EMID1: variants seen among roughly 807,000 people sequenced by gnomAD.
EMID1 encodes EMI domain containing 1, also known as EMI domain-containing protein 1.
Under a neutral mutation model 60.6 loss-of-function variants are expected in EMID1, and 40 were observed. That is an observed-to-expected ratio of 0.66 (90% CI 0.51 to 0.86). The LOEUF is 0.86. Among genes scored for constraint, EMID1 ranks in the 40% least tolerant of loss-of-function variants. The pLI, the probability that EMID1 is intolerant of heterozygous loss-of-function variation, is 0.00. For missense variants in EMID1, 585 were observed against 597.1 expected (o/e 0.98, Z 0.21); for synonymous variants, 242 against 231.0 (o/e 1.05, Z -0.43).
At chr22:29,212,523 G>T (rs893176485) in intron 1 of EMID1, among the ~76,000 whole-genome samples, 1 of 151,160 alleles carries the variant, frequency 6.6e-6, no homozygotes. Context: ...GGTGCCTGGG[G>T]CACGTCCTGG....
At chr22:29,258,681 C>A in intron 14 of EMID1, 136 bp from the exon 15 acceptor site, 1 of 1,368,098 alleles carries the variant, frequency 7.3e-7, no homozygotes, top group Non-Finnish European at 9.8e-7. Flanking sequence ...TTTCCCACAG[C>A]TCTGCAGCCA....
At position 29,243,492 on chromosome 22, in the gene EMID1, A is replaced by G; in HGVS notation, c.1119+3A>G. On this transcript the variant is annotated splice_donor_region_variant and intron_variant, in intron 13 of 14. Coordinates refer to ENST00000334018, the MANE Select transcript of EMID1 (RefSeq NM_133455.4). The stretch of plus-strand genomic sequence containing the variant: ...ACCCTGGTGAGAAGAGCCACTGGGT[A>G]AGCTCTGGCCTGGCACTGGCCTCTC... The G allele has an allele frequency of 6.2e-7, 1 of 1,613,986 alleles. No homozygotes were observed. The highest frequency in any genetic ancestry group is 8.5e-7 in the Non-Finnish European group (1 of 1,179,904).
intron 3 of EMID1, among the ~76,000 whole-genome samples, chr22:29,221,089 G>A (rs1439758625): frequency 3.4e-5 from 4 of 117,014 alleles, no homozygotes; most frequent in African/African-American, 1.6e-4. Flanking sequence ...GTGTGTGTGT[G>A]TGTGTGTGTG....
chr22:29,227,692 G>A (rs1380100633), intron 5 of EMID1, among the ~76,000 whole-genome samples: 1 of 128,826 alleles, frequency 7.8e-6, no homozygotes, highest in Non-Finnish European at 1.6e-5. Context: ...GTAACAGAGC[G>A]AGACTCTGTC....
chr22:29,241,361 CTTG>C (rs371847066), intron 12 of EMID1, among the ~76,000 whole-genome samples: 1,725 of 152,242 alleles, frequency 0.011, 27 homozygotes, highest in African/African-American at 0.039. Context: ...CAACTTTCCA[CTTG>C]TTGTTAAGAT....
At position 29,215,583 on chromosome 22, in the gene EMID1, G is replaced by C. The variant is rs752025220; in HGVS notation, c.272G>C (p.Arg91Pro). 1 of 1,614,130 alleles carries C rather than the reference G, an allele frequency of 6.2e-7. No individual in the cohort carries two copies. The highest frequency in any genetic ancestry group is 1.1e-5 in the South Asian group (1 of 91,084). The change falls in exon 3 of 15, where the codon CGT becomes CCT. Residue 91 changes from arginine (R) to proline (P), a missense_variant. Coordinates refer to ENST00000334018, the MANE Select transcript of EMID1 (RefSeq NM_133455.4). ...YKVMYKIVTA[R>P]EWRCCPGHSG... is the part of the protein sequence containing the mutation. ...GTGATGTACAAGATAGTGACCGCCC[G>C]TGAGTGGAGGTGCTGCCCTGGGCAC...
Position 29,205,966 on chromosome 22 carries a change from G to A in EMID1, c.-73G>A, listed in dbSNP as rs1388116538. On this transcript the variant is annotated 5_prime_UTR_variant, in exon 1 of 15. Coordinates refer to ENST00000334018, the MANE Select transcript of EMID1 (RefSeq NM_133455.4). Reference sequence around the variant, plus strand: ...CGCGTCCGGGGCGGCTGGCGGCGCGGGCAGGCAGGCGGGGAGGACAGGCTG... The same window carrying A: ...CGCGTCCGGGGCGGCTGGCGGCGCGAGCAGGCAGGCGGGGAGGACAGGCTG... The A allele has an allele frequency of 8.0e-5, 76 of 944,826 alleles. No individual in the cohort carries two copies. The highest frequency in any genetic ancestry group is 9.2e-5 in the Non-Finnish European group (70 of 764,086). 58.5% of individuals were successfully genotyped at this position (944,826 alleles called of 1,614,324 possible).
intron 3 of EMID1, among the ~76,000 whole-genome samples, chr22:29,219,304 C>T (rs2040201476): frequency 6.6e-6 from 1 of 152,152 alleles, no homozygotes. Flanking sequence ...GATAGAGAGG[C>T]CGGGGCTCCC....
At chr22:29,233,212 A>G in intron 8 of EMID1, 167 bp from the exon 9 acceptor site, 1 of 697,250 alleles carries the variant, frequency 1.4e-6, no homozygotes, top group Non-Finnish European at 2.5e-6. Flanking sequence ...GTCTTGCGGG[A>G]CCAACACTCT....
chr22:29,233,449 AG>A lies in EMID1; in HGVS notation c.896del (p.Gly299AlafsTer24). 1 of 1,614,144 alleles carries A rather than the reference AG, an allele frequency of 6.2e-7. No homozygotes were observed. Among genetic ancestry groups the A allele is most frequent in the Non-Finnish European group, 8.5e-7 (1 of 1,179,984 alleles). On this transcript the variant is annotated frameshift_variant, in exon 9 of 15. Coordinates refer to ENST00000334018, the MANE Select transcript of EMID1 (RefSeq NM_133455.4). LOFTEE classifies it high-confidence loss of function. ...GGCCCCAGGGACCCACTGGGCCTCCAGGCCCTCCAGGGCCCATGGGTAAGTT... is the reference window on the plus strand; with the variant it reads ...GGCCCCAGGGACCCACTGGGCCTCCAGCCCTCCAGGGCCCATGGGTAAGTT... The part of the protein sequence containing the change: ...HWPQGPTGPP[G>X]PPGPMGPPGP...
chr22:29,232,177 T>G, intron 7 of EMID1, 79 bp from the exon 8 acceptor site: 2 of 1,573,060 alleles, frequency 1.3e-6, no homozygotes, highest in Non-Finnish European at 1.7e-6. Context: ...TGCTCCAGGC[T>G]GCCTTGTCCT....
chr22:29,250,863 G>A (rs2041503758), intron 13 of EMID1, among the ~76,000 whole-genome samples: 1 of 146,716 alleles, frequency 6.8e-6, no homozygotes, highest in Non-Finnish European at 1.5e-5. Context: ...CCAAAGTGCT[G>A]GGATTACAGG....
chr22:29,215,455 A>G, intron 2 of EMID1, 72 bp from the exon 3 acceptor site: 2 of 1,481,728 alleles, frequency 1.3e-6, no homozygotes, highest in Admixed American at 1.7e-5. Flanking sequence ...GTTTGTCCCC[A>G]TGGGTGTCCA....
At chr22:29,228,188 G>A (rs915822461) in intron 5 of EMID1, among the ~76,000 whole-genome samples, 1 of 148,626 alleles carries the variant, frequency 6.7e-6, no homozygotes, top group Non-Finnish European at 1.5e-5. Context: ...TGAGCCGAGT[G>A]TGGTGGCAGG....
chr22:29,225,016 C>T, intron 3 of EMID1, 117 bp from the exon 4 acceptor site: 2 of 1,001,478 alleles, frequency 2.0e-6, no homozygotes, highest in Non-Finnish European at 1.5e-6. Context: ...CTCCTCTGGG[C>T]CTCTGTGTCC....
chr22:29,236,419 G>A (rs771835223), intron 12 of EMID1, among the ~76,000 whole-genome samples: 4 of 152,016 alleles, frequency 2.6e-5, no homozygotes, highest in South Asian at 2.1e-4. Flanking sequence ...GTCTGTGCAC[G>A]GTGGCTCACA....
chr22:29,259,571 A>C lies in EMID1; in HGVS notation c.*627A>C. 5.7e-6 allele frequency: 1 copy of C among 174,076 alleles called. No individual in the cohort carries two copies. The allele number at this position is 174,076 out of a possible 1,614,324, so 10.8% of individuals were successfully genotyped here. A position where few individuals can be genotyped will look rare whatever the true frequency, so the allele number is the denominator to read the frequency against. Reference sequence around the variant, plus strand: ...CCAGGAGGTAGATGTGTGCTGGCCAATAAAGGCCCCTACCTGATTCCCCGC... The same window carrying C: ...CCAGGAGGTAGATGTGTGCTGGCCACTAAAGGCCCCTACCTGATTCCCCGC... On this transcript the variant is annotated 3_prime_UTR_variant, in exon 15 of 15. Transcript: ENST00000334018.
intron 13 of EMID1, among the ~76,000 whole-genome samples, chr22:29,246,342 A>T (rs901234563): frequency 2.6e-5 from 4 of 152,218 alleles, no homozygotes; most frequent in Non-Finnish European, 5.9e-5. Context: ...TAGAAGCAGC[A>T]GAGTGATGCG....
chr22:29,249,240 T>A (rs1201401848), intron 13 of EMID1, among the ~76,000 whole-genome samples: 1 of 152,032 alleles, frequency 6.6e-6, no homozygotes, highest in Non-Finnish European at 1.5e-5. Flanking sequence ...TTTTCTTTTT[T>A]TTTTCCTTTT....
Sources: gnomAD v4.1 joint callset for allele counts (sites outside exome capture counted in the v4.1 genomes callset) on GRCh38, gnomAD v4.1.1 for gene constraint, MANE v1.5 for transcripts, NCBI Gene and HGNC (gene_info 2026-07-23, HGNC 2026-07-21) for gene names.